The following LIME1 variants were observed in gnomAD, a reference collection of about 807,000 sequenced individuals.
LIME1 encodes Lck interacting transmembrane adaptor 1, also known as lck-interacting transmembrane adapter 1.
Under a neutral mutation model 18.8 loss-of-function variants are expected in LIME1, and 23 were observed. That is an observed-to-expected ratio of 1.22 (90% confidence interval 0.88 to 1.73). The LOEUF is 1.73. Ranked by LOEUF, LIME1 falls within the 40% of genes most tolerant of loss-of-function variation. The pLI is 0.00. For synonymous variants in LIME1, 177 were observed against 182.3 expected (o/e 0.97, Z 0.23); for missense variants, 423 against 396.8 (o/e 1.07, Z -0.56).
chr20:63,737,503 G>GC, intron 1 of LIME1, 30 bp from the exon 2 acceptor site: 2 of 1,441,532 alleles, frequency 1.4e-6, no homozygotes, highest in Non-Finnish European at 1.8e-6. Flanking sequence ...CCCTTGGCCA[G>GC]CCCCCAGCGC....
Position 63,738,862 on chromosome 20 carries a change from G to A in LIME1, c.850G>A (p.Gly284Arg). The A allele has an allele frequency of 6.2e-7, 1 of 1,609,732 alleles. No homozygotes were observed. The highest frequency in any genetic ancestry group is 8.5e-7 in the Non-Finnish European group (1 of 1,178,604). Residue 284 changes from glycine (G) to arginine (R), a missense_variant, in exon 6 of 6, where the codon GGG (glycine) becomes AGG (arginine). Transcript: ENST00000309546. ...CCCTGCTTCCAGCTGCCCCAGCCTAGGGAGGGGCTGGAGACCCCTCCCTGC... is the reference window on the plus strand; with the variant it reads ...CCCTGCTTCCAGCTGCCCCAGCCTAAGGAGGGGCTGGAGACCCCTCCCTGC... ...TPPASSCPSL[G>R]RGWRPLPASL... is the part of the protein sequence containing the mutation.
chr20:63,738,376 C>G lies in LIME1; in HGVS notation c.462C>G (p.Pro154=), dbSNP rs1189984250. 2 of 1,555,388 alleles carry G rather than the reference C, an allele frequency of 1.3e-6. 1 individual carries two copies. Among genetic ancestry groups the G allele is most frequent in the African/African-American group, 2.7e-5 (2 of 73,422 alleles). The part of the protein sequence containing the change: ...TYSNVGLAAL[P]GVSLAASPVV... ...CCAACGTGGGGCTGGCGGCCCTTCC[C>G]GGGGTCAGCCTGGCGGCCAGCCCTG... The change falls in exon 5 of 6, where the codon CCC becomes CCG. Residue 154 remains proline, a synonymous_variant. Transcript: ENST00000309546.
upstream of LIME1, chr20:63,735,890 G>A (rs914077561): frequency 6.8e-6 from 11 of 1,612,784 alleles, no homozygotes; most frequent in Middle Eastern, 1.6e-4. Flanking sequence ...GAGGAAGGCA[G>A]ACACCCACAA....
intron 1 of LIME1, chr20:63,737,312 G>T: frequency 7.8e-7 from 1 of 1,276,758 alleles, no homozygotes; most frequent in Non-Finnish European, 9.9e-7. Flanking sequence ...ACACGGAGGG[G>T]CCAGGCAGAG....
chr20:63,736,194 C>T, upstream of LIME1: 1 of 281,024 alleles, frequency 3.6e-6, no homozygotes, highest in South Asian at 4.2e-5. Flanking sequence ...AGGGTCTGTG[C>T]AGGGCTGTGG....
Position 63,738,882 on chromosome 20 carries a change from C to T in LIME1, c.870C>T (p.Leu290=), listed in dbSNP as rs374141432. 6.2e-7 allele frequency: 1 copy of T among 1,604,394 alleles called. No homozygotes were observed. The highest frequency in any genetic ancestry group is 8.5e-7 in the Non-Finnish European group (1 of 1,176,064). ...CPSLGRGWRP[L]PASLP ...GCCTAGGGAGGGGCTGGAGACCCCT[C>T]CCTGCCTCCCTGCCCTGAACACTCA... is the stretch of plus-strand genomic sequence containing the variant. The change falls in exon 6 of 6, where the codon CTC becomes CTT. Residue 290 remains leucine, a synonymous_variant. Coordinates refer to ENST00000309546, the MANE Select transcript of LIME1 (RefSeq NM_017806.4).
chr20:63,738,235 C>A lies in LIME1; in HGVS notation c.321C>A (p.Ser107=), dbSNP rs762190705. The A allele has an allele frequency of 6.3e-7, 1 of 1,591,358 alleles. No homozygotes were observed. Among genetic ancestry groups the A allele is most frequent in the Non-Finnish European group, 8.5e-7 (1 of 1,174,074 alleles). Residue 107 remains serine, a synonymous_variant, in exon 5 of 6, where the codon TCC becomes TCA. Coordinates refer to ENST00000309546, the MANE Select transcript of LIME1 (RefSeq NM_017806.4). ...TGCGCCCACACTGGCTGGAGGTGTCCAGGGACATCACCGGACCGCAGGCAG... is the reference window on the plus strand; with the variant it reads ...TGCGCCCACACTGGCTGGAGGTGTCAAGGGACATCACCGGACCGCAGGCAG... ...DLLRPHWLEV[S]RDITGPQAAP...
At chr20:63,737,204 G>T in intron 1 of LIME1, 1 of 1,071,676 alleles carries the variant, frequency 9.3e-7, no homozygotes, top group Non-Finnish European at 1.1e-6. Context: ...CACACCCAGG[G>T]GCTCCCCCGA....
At position 63,737,520 on chromosome 20, in the gene LIME1, C is replaced by A; in HGVS notation, c.-17-13C>A. The A allele has an allele frequency of 6.7e-7, 1 of 1,485,476 alleles. No homozygotes were observed. The highest frequency in any genetic ancestry group is 8.9e-7 in the Non-Finnish European group (1 of 1,120,320). 92.0% of individuals were successfully genotyped at this position (1,485,476 alleles called of 1,614,324 possible). A position where few individuals can be genotyped will look rare whatever the true frequency, so the allele number is the denominator to read the frequency against. On this transcript the variant is annotated splice_polypyrimidine_tract_variant and intron_variant, in intron 1 of 5. Transcript: ENST00000309546. ...CTTGGCCAGCCCCCAGCGCCCCTTTCTTCTGTCCCCAGGGCCTCGGCTTCA... is the reference window on the plus strand; with the variant it reads ...CTTGGCCAGCCCCCAGCGCCCCTTTATTCTGTCCCCAGGGCCTCGGCTTCA...
chr20:63,738,518 G>T lies in LIME1; in HGVS notation c.585+19G>T. On this transcript the variant is annotated intron_variant, in intron 5 of 5. Coordinates refer to ENST00000309546, the MANE Select transcript of LIME1 (RefSeq NM_017806.4). Reference sequence around the variant, plus strand: ...CGCTCAGGTAACGTGGGCCAGGGTAGGGCGCTGTGGGTGGGGCCGGCAGAT... The same window carrying T: ...CGCTCAGGTAACGTGGGCCAGGGTATGGCGCTGTGGGTGGGGCCGGCAGAT... 6.6e-7 allele frequency: 1 copy of T among 1,509,146 alleles called. No homozygotes were observed. The highest frequency in any genetic ancestry group is 2.3e-5 in the Admixed American group (1 of 43,882). 93.5% of individuals were successfully genotyped at this position (1,509,146 alleles called of 1,614,324 possible).
upstream of LIME1, chr20:63,736,005 C>G: frequency 6.5e-7 from 1 of 1,541,252 alleles, no homozygotes; most frequent in East Asian, 2.3e-5. Context: ...GAGGGGCCGG[C>G]CTGCTGGCCT....
rs781626227 is a variant in LIME1, at chr20:63,737,818, A to G, written c.99-3A>G. The G allele has an allele frequency of 4.3e-5, 28 of 644,758 alleles. No individual in the cohort carries two copies. Among genetic ancestry groups the G allele is most frequent in the Non-Finnish European group, 6.0e-5 (26 of 432,202 alleles). 39.9% of individuals were successfully genotyped at this position (644,758 alleles called of 1,614,324 possible). ...CCCCCCGCCCCCCACCTCTACCCCC[A>G]AGGCCCGAGGACGCTGTAGCCCCCA... is the stretch of plus-strand genomic sequence containing the variant. On this transcript the variant is annotated splice_polypyrimidine_tract_variant and splice_region_variant and intron_variant, in intron 2 of 5. Coordinates refer to ENST00000309546, the MANE Select transcript of LIME1 (RefSeq NM_017806.4).
At chr20:63,737,792 G>GCC in intron 2 of LIME1, 29 bp from the exon 3 acceptor site, 1 of 816,478 alleles carries the variant, frequency 1.2e-6, no homozygotes, top group Non-Finnish European at 1.8e-6. Context: ...TGACGACCCC[G>GCC]CCCCCCGCCC....
At chr20:63,736,029 A>T (rs2091987011), upstream of LIME1, 5 of 1,450,066 alleles carry the variant, frequency 3.4e-6, no homozygotes, top group Non-Finnish European at 4.6e-6. Context: ...GCGTGCAGAC[A>T]CTGCTGAGTG....
In LIME1 at chr20:63,738,663, G is replaced by T. The variant is rs772633145; in HGVS notation, c.651G>T (p.Pro217=). Reference sequence around the variant, plus strand: ...GGGACCCAGGACCCACCACAGACCCGCTGGACCCCAAGGGCCAGGGAGCGA... The same window carrying T: ...GGGACCCAGGACCCACCACAGACCCTCTGGACCCCAAGGGCCAGGGAGCGA... The part of the protein sequence containing the change: ...KRRDPGPTTD[P]LDPKGQGAIL... The change falls in exon 6 of 6, where the codon CCG becomes CCT. Residue 217 remains proline (P), a synonymous_variant. Transcript: ENST00000309546. The T allele has an allele frequency of 6.2e-7, 1 of 1,611,824 alleles. No individual in the cohort carries two copies. Among genetic ancestry groups the T allele is most frequent in the Non-Finnish European group, 8.5e-7 (1 of 1,179,292 alleles).
In LIME1 at chr20:63,738,942, TC is replaced by T; in HGVS notation, c.*47del. ...GCTCCTTCCTCCAGAGTGAGGCCCG[TC>T]CCCCGCCCCGCCCCGCCTCACAGCT... On this transcript the variant is annotated 3_prime_UTR_variant, in exon 6 of 6. Coordinates refer to ENST00000309546, the MANE Select transcript of LIME1 (RefSeq NM_017806.4). The T allele has an allele frequency of 7.0e-7, 1 of 1,429,960 alleles. No homozygotes were observed. Among genetic ancestry groups the T allele is most frequent in the Non-Finnish European group, 9.3e-7 (1 of 1,079,826 alleles). 88.6% of individuals were successfully genotyped at this position (1,429,960 alleles called of 1,614,324 possible).
Position 63,738,262 on chromosome 20 carries a change from C to T in LIME1, c.348C>T (p.Ala116=), listed in dbSNP as rs1440123911. Residue 116 remains alanine, a synonymous_variant, in exon 5 of 6, where the codon GCC becomes GCT. Transcript: ENST00000309546. ...VSRDITGPQA[A]PSAFPHQELP... is the part of the protein sequence containing the mutation. ...GGGACATCACCGGACCGCAGGCAGC[C>T]CCCTCTGCCTTCCCACACCAGGAGC... 3 of 1,587,474 alleles carry T rather than the reference C, an allele frequency of 1.9e-6. No homozygotes were observed. Among genetic ancestry groups the T allele is most frequent in the African/African-American group, 2.7e-5 (2 of 74,638 alleles).
At chr20:63,736,392 T>C (rs2091990528), upstream of LIME1, 1 of 180,914 alleles carries the variant, frequency 5.5e-6, no homozygotes, top group African/African-American at 2.4e-5. Context: ...CGTGGGGCAC[T>C]CTTGGTGAGG....
At chr20:63,736,775 T>A in intron 1 of LIME1, 63 bp downstream of exon 1, 2 of 985,390 alleles carry the variant, frequency 2.0e-6, no homozygotes, top group Non-Finnish European at 2.4e-6. Context: ...TGCAGCTGGG[T>A]CAGTCAGCCA....
Sources: gnomAD v4.1 joint callset for allele counts on GRCh38, gnomAD v4.1.1 for gene constraint, MANE v1.5 for transcripts, NCBI Gene and HGNC (gene_info 2026-07-23, HGNC 2026-07-21) for gene names.